Variants in LMLN observed in about 807,000 individuals in gnomAD.
The protein encoded by LMLN is leishmanolysin like peptidase, also known as leishmanolysin-like peptidase.
LMLN carries 70 observed loss-of-function variants against 92.3 expected under a neutral mutation model. The ratio of observed to expected loss-of-function variants is 0.76; its 90% CI spans 0.63 to 0.92. The LOEUF is 0.92. LMLN is among the 40% of genes least tolerant of loss of function. The pLI is 0.00. For synonymous variants in LMLN, 308 were observed against 296.2 expected, an observed-to-expected ratio of 1.04 and a Z score of -0.41; for missense variants, 691 against 814.6, an observed-to-expected ratio of 0.85 and a Z score of 1.85.
intron 13 of LMLN, among the ~76,000 whole-genome samples, chr3:198,023,475 C>T (rs2109939785): frequency 6.6e-6 from 1 of 152,246 alleles, no homozygotes; most frequent in East Asian, 1.9e-4. Flanking sequence ...AGGCTTGAGC[C>T]ACCACATCCA....
At chr3:198,021,228 A>G (rs1722774042) in intron 12 of LMLN, among the ~76,000 whole-genome samples, 1 of 152,204 alleles carries the variant, frequency 6.6e-6, no homozygotes, top group South Asian at 2.1e-4. Context: ...CTTAAGACTC[A>G]TTTACTTACC....
At chr3:198,035,503 C>T (rs186548920) in intron 14 of LMLN, among the ~76,000 whole-genome samples, 2 of 151,334 alleles carry the variant, frequency 1.3e-5, no homozygotes, top group Non-Finnish European at 2.9e-5. Flanking sequence ...GCTGGGACTA[C>T]AGGTGCATGA....
chr3:197,965,483 C>T (rs1011635510), intron 1 of LMLN, among the ~76,000 whole-genome samples: 6 of 152,018 alleles, frequency 3.9e-5, no homozygotes, highest in African/African-American at 1.4e-4. Context: ...TCAAGCAATC[C>T]TCCTGCCTTG....
intron 13 of LMLN, among the ~76,000 whole-genome samples, chr3:198,022,340 C>A (rs1048564258): frequency 5.3e-5 from 8 of 152,208 alleles, no homozygotes; most frequent in Non-Finnish European, 1.0e-4. Context: ...CCTTTGTAAA[C>A]AGAAATGTTC....
intron 2 of LMLN, 86 bp downstream of exon 2, chr3:197,974,560 T>C: frequency 1.4e-6 from 1 of 690,252 alleles, no homozygotes; most frequent in East Asian, 3.2e-5. Flanking sequence ...GTTCTAAGAA[T>C]CCATAGATAA....
chr3:198,035,200 CAAA>C (rs33926276), intron 14 of LMLN, among the ~76,000 whole-genome samples: 1 of 96,560 alleles, frequency 1.0e-5, no homozygotes. Context: ...GACCCCATCT[CAAA>C]AAAAAAAAAA....
intron 9 of LMLN, among the ~76,000 whole-genome samples, chr3:197,993,715 C>T (rs1159155989): frequency 6.6e-6 from 1 of 151,834 alleles, no homozygotes; most frequent in East Asian, 1.9e-4. Flanking sequence ...TGTCATTTTT[C>T]ACAGAAGTAG....
In LMLN at chr3:198,019,200, C is replaced by T. The variant is rs1299404025; in HGVS notation, c.1233-53C>T. The T allele has an allele frequency of 4.5e-6, 7 of 1,539,284 alleles. No homozygotes were observed. The Admixed American group carries it at 1.2e-4, about 27-fold the overall frequency. On this transcript the variant is annotated intron_variant, in intron 11 of 15. Transcript: ENST00000330198. The surrounding 1 kb of genome is among the most constrained non-coding windows in gnomAD (Gnocchi z 5.5). ...TTCCATTTGTTGGCTGTATAATGGA[C>T]TTGCAGTATTTTCTTTAAAGTTTGA...
intron 5 of LMLN, among the ~76,000 whole-genome samples, chr3:197,978,978 A>C (rs545124879): frequency 2.0e-5 from 3 of 152,216 alleles, no homozygotes; most frequent in Admixed American, 6.5e-5. Context: ...GCAACAGAGC[A>C]AGACTCCAAC....
At chr3:197,997,413 A>G (rs1190516690) in intron 10 of LMLN, among the ~76,000 whole-genome samples, 1 of 152,190 alleles carries the variant, frequency 6.6e-6, no homozygotes, top group African/African-American at 2.4e-5. Flanking sequence ...GGTTACGGGC[A>G]TGCATTCCGC....
chr3:197,985,726 CTT>C (rs1426971498), intron 7 of LMLN, 68 bp from the exon 8 acceptor site: 7 of 1,044,016 alleles, frequency 6.7e-6, no homozygotes, highest in Non-Finnish European at 1.0e-5. Context: ...TCAGTGCTCT[CTT>C]TTGATCGCAG....
intron 11 of LMLN, chr3:197,999,873 C>T (rs1722124288): frequency 1.3e-5 from 2 of 151,968 alleles, no homozygotes; most frequent in African/African-American, 4.8e-5. Context: ...GGACATACCC[C>T]TGATATGATT....
At chr3:198,003,120 A>G (rs1216672370) in intron 11 of LMLN, 1 of 1,532,764 alleles carries the variant, frequency 6.5e-7, no homozygotes. Flanking sequence ...ATCAGCAGAG[A>G]CAAAAGTAAG....
intron 9 of LMLN, among the ~76,000 whole-genome samples, chr3:197,991,718 A>G (rs1393273166): frequency 2.6e-5 from 4 of 152,044 alleles, no homozygotes; most frequent in African/African-American, 9.7e-5. Context: ...TACCATGGCT[A>G]TTCTCCTTTC....
At chr3:197,999,671 G>A (rs996169292) in intron 11 of LMLN, 5 of 220,898 alleles carry the variant, frequency 2.3e-5, no homozygotes, top group Non-Finnish European at 4.5e-5. Flanking sequence ...GGGACTACAG[G>A]CACGTGCCAC....
chr3:197,969,477 A>G (rs1721162188), intron 1 of LMLN, among the ~76,000 whole-genome samples: 1 of 152,114 alleles, frequency 6.6e-6, no homozygotes, highest in South Asian at 2.1e-4. Context: ...GTTATTTAGA[A>G]GTTTGTTGTT....
At chr3:197,977,936 A>G (rs1268209069) in intron 5 of LMLN, among the ~76,000 whole-genome samples, 1 of 152,164 alleles carries the variant, frequency 6.6e-6, no homozygotes, top group Admixed American at 6.6e-5. Context: ...ATCTGGAAGT[A>G]TACACACGTT....
At chr3:197,993,033 C>T (rs1198081003) in intron 9 of LMLN, among the ~76,000 whole-genome samples, 12 of 152,058 alleles carry the variant, frequency 7.9e-5, no homozygotes, top group Non-Finnish European at 1.5e-5. Flanking sequence ...GGACAAAAAC[C>T]ATACGATCAT....
At chr3:197,993,209 C>A (rs1343601767) in intron 9 of LMLN, among the ~76,000 whole-genome samples, 2 of 152,102 alleles carry the variant, frequency 1.3e-5, no homozygotes, top group Non-Finnish European at 2.9e-5. Flanking sequence ...AGCCTTTCCT[C>A]CAAGATCTGG....
Sources: allele counts gnomAD v4.1 joint callset (sites outside exome capture counted in the v4.1 genomes callset), GRCh38; gene constraint gnomAD v4.1.1; non-coding constraint Gnocchi (gnomAD v3.1); transcripts MANE v1.5; gene names NCBI Gene and HGNC (gene_info 2026-07-23, HGNC 2026-07-21).